Variants in FKBP6 observed in about 807,000 individuals in gnomAD.
The protein encoded by FKBP6 is FKBP prolyl isomerase family member 6 (inactive), also known as inactive peptidyl-prolyl cis-trans isomerase FKBP6.
In FKBP6, 29 loss-of-function variants were observed where a neutral mutation model predicts 41.7. That is an observed-to-expected ratio of 0.70 (90% CI 0.52 to 0.95). The LOEUF is 0.95. Among genes scored for constraint, FKBP6 ranks in the 40% least tolerant of loss-of-function variants. The pLI, the probability that FKBP6 is intolerant of heterozygous loss-of-function variation, is 0.00. For synonymous variants in FKBP6, 130 were observed against 165.1 expected, an observed-to-expected ratio of 0.79 and a Z score of 1.63; for missense variants, 338 against 408.7, an observed-to-expected ratio of 0.83 and a Z score of 1.49.
rs781811698 is a variant in FKBP6 at position 73,340,671 on chromosome 7, C to T, written c.622C>T (p.Pro208Ser). Residue 208 changes from proline to serine, a missense_variant, in exon 6 of 9, where the codon CCT becomes TCT. Physicochemically the swap from Pro to Ser is moderately conservative, Grantham distance 74. Transcript: ENST00000252037. ...GCTTCTGCGCCGGCGATCAGCACCC[C>T]CTGAAGAGCAGCACCTGGTGGAGGC... ...LLLLRRRSAP[P>S]EEQHLVEAAK... 1.9e-5 allele frequency: 31 copies of T among 1,613,778 alleles called. No homozygotes were observed. The highest frequency in any genetic ancestry group is 2.4e-5 in the Non-Finnish European group (28 of 1,180,030).
At chr7:73,340,898 G>C in intron 6 of FKBP6, 66 bp downstream of exon 6, 2 of 867,780 alleles carry the variant, frequency 2.3e-6, no homozygotes, top group Non-Finnish European at 3.8e-6. Flanking sequence ...GCTCAACTCA[G>C]CTACTGCAAA....
At chr7:73,335,103 A>C (rs918171481) in intron 5 of FKBP6, among the ~76,000 whole-genome samples, 3 of 149,884 alleles carry the variant, frequency 2.0e-5, no homozygotes, top group African/African-American at 7.4e-5. Context: ...CCTAGCAAAT[A>C]TCTAAATTCT....
At chr7:73,339,476 G>A (rs1805107603) in intron 5 of FKBP6, among the ~76,000 whole-genome samples, 1 of 152,146 alleles carries the variant, frequency 6.6e-6, no homozygotes, top group African/African-American at 2.4e-5. Flanking sequence ...AATTACTGTA[G>A]CTTTAGGAAG....
At chr7:73,356,634 A>G (rs1471147410) in intron 8 of FKBP6, among the ~76,000 whole-genome samples, 1 of 152,178 alleles carries the variant, frequency 6.6e-6, no homozygotes, top group Non-Finnish European at 1.5e-5. Flanking sequence ...TTGTTTCTCT[A>G]TAACCAAACA....
Position 73,329,429 on chromosome 7 carries a change from G to T in FKBP6, c.245G>T (p.Arg82Leu), listed in dbSNP as rs201326980. ...TCTAATTACTTTAGGAAAACTCCTC[G>T]GCTAATGAAACTTGGAGAGGGTAGG... Reference protein sequence around the residue: ...FDSNYFRKTPRLMKLGEDITL... With the variant: ...FDSNYFRKTPLLMKLGEDITL... The change falls in exon 3 of 9, where the codon CGG (arginine) becomes CTG (leucine). Residue 82 changes from arginine to leucine, a missense_variant. By Grantham distance (102) the Arg-to-Leu change is moderately radical. Transcript: ENST00000252037. The T allele has an allele frequency of 3.7e-5, 60 of 1,603,250 alleles. No homozygotes were observed. The East Asian group carries it at 9.4e-4, about 25-fold the overall frequency.
At chr7:73,356,906 G>A (rs953088340) in intron 8 of FKBP6, among the ~76,000 whole-genome samples, 2 of 151,868 alleles carry the variant, frequency 1.3e-5, no homozygotes, top group African/African-American at 2.4e-5. Flanking sequence ...TCAGCCTCCC[G>A]AGTAGCTGGG....
chr7:73,349,320 A>C (rs1260988064), intron 8 of FKBP6, among the ~76,000 whole-genome samples: 1 of 151,430 alleles, frequency 6.6e-6, no homozygotes, highest in Non-Finnish European at 1.5e-5. Context: ...GAGGTAGGAG[A>C]ATCGCTTGAA....
At position 73,341,310 on chromosome 7, in the gene FKBP6, A is replaced by G. The variant is rs868916969; in HGVS notation, c.821A>G (p.Asp274Gly). 6 of 1,613,550 alleles carry G rather than the reference A, an allele frequency of 3.7e-6. No individual in the cohort carries two copies. Among genetic ancestry groups the G allele is most frequent in the Non-Finnish European group, 5.1e-6 (6 of 1,179,678 alleles). ...CTGACTGAGTATCAAAAGGCCCGGG[A>G]TTTTCTAGTTCGAGCCCAGAAGGAG... ...LLLTEYQKAR[D>G]FLVRAQKEQP... The change falls in exon 7 of 9, where the codon GAT becomes GGT. Residue 274 changes from aspartate to glycine, a missense_variant. Asp to Gly is a moderately conservative substitution (Grantham distance 94, BLOSUM62 -1). Coordinates refer to ENST00000252037, the MANE Select transcript of FKBP6 (RefSeq NM_003602.5).
chr7:73,332,000 ACTAC>A (rs1804860876), intron 5 of FKBP6, among the ~76,000 whole-genome samples: 2 of 151,734 alleles, frequency 1.3e-5, no homozygotes, highest in African/African-American at 2.4e-5. Context: ...AGTAGCTGGG[ACTAC>A]AGGCACCCGC....
At chr7:73,336,781 G>T (rs1347517319) in intron 5 of FKBP6, 1 of 456,556 alleles carries the variant, frequency 2.2e-6, no homozygotes, top group Non-Finnish European at 4.4e-6. Context: ...GTGTGCTGCG[G>T]CTGAACCTGT....
chr7:73,336,743 C>T (rs749835718), intron 5 of FKBP6: 60 of 456,316 alleles, frequency 1.3e-4, no homozygotes, highest in Non-Finnish European at 2.5e-4. Context: ...TTTAATGAGG[C>T]TCTGTTTCAT....
At chr7:73,347,811 AT>A (rs1182242653) in intron 8 of FKBP6, among the ~76,000 whole-genome samples, 1 of 152,010 alleles carries the variant, frequency 6.6e-6, no homozygotes, top group African/African-American at 2.4e-5. Flanking sequence ...CGTCCAGCTA[AT>A]TTTTTTATTT....
intron 8 of FKBP6, among the ~76,000 whole-genome samples, chr7:73,347,732 C>A (rs1282487955): frequency 6.6e-6 from 1 of 152,206 alleles, no homozygotes; most frequent in African/African-American, 2.4e-5. Context: ...GCAGCCTCAA[C>A]TTCCCAGGCT....
intron 8 of FKBP6, among the ~76,000 whole-genome samples, chr7:73,357,476 T>G (rs1805666179): frequency 6.6e-6 from 1 of 151,664 alleles, no homozygotes; most frequent in Non-Finnish European, 1.5e-5. Context: ...GCTAGGCTGG[T>G]CTCGAACTAC....
chr7:73,342,792 T>C lies in FKBP6; in HGVS notation c.894-15T>C, dbSNP rs782697880. 31 of 1,580,258 alleles carry C rather than the reference T, an allele frequency of 2.0e-5. No homozygotes were observed. Among genetic ancestry groups the C allele is most frequent in the Non-Finnish European group, 2.6e-5 (30 of 1,149,164 alleles). ...ACACAGACCTCCTCTAACAAGTGTG[T>C]ATTTCCCTCTCCAGCTGTTACAGGG... On this transcript the variant is annotated splice_polypyrimidine_tract_variant and intron_variant, in intron 7 of 8. Coordinates refer to ENST00000252037, the MANE Select transcript of FKBP6 (RefSeq NM_003602.5).
At chr7:73,335,779 C>T (rs1447407434) in intron 5 of FKBP6, among the ~76,000 whole-genome samples, 2 of 152,176 alleles carry the variant, frequency 1.3e-5, no homozygotes, top group Non-Finnish European at 2.9e-5. Context: ...CACTGCCACC[C>T]ACCCTGAACC....
intron 5 of FKBP6, among the ~76,000 whole-genome samples, chr7:73,337,346 C>T: frequency 7.1e-6 from 1 of 140,934 alleles, no homozygotes. Flanking sequence ...CAGAGTCTCA[C>T]TCTATCACCC....
chr7:73,353,457 C>G (rs1364054847), intron 8 of FKBP6, among the ~76,000 whole-genome samples: 2 of 152,168 alleles, frequency 1.3e-5, no homozygotes. Context: ...TAATCCTTTC[C>G]GTCCCAGATG....
chr7:73,330,894 A>G (rs1554547574), intron 4 of FKBP6, among the ~76,000 whole-genome samples: 1 of 152,148 alleles, frequency 6.6e-6, no homozygotes, highest in Non-Finnish European at 1.5e-5. Context: ...CCGTAGATGC[A>G]GGGCTTCTGA....
Sources: allele counts gnomAD v4.1 joint callset (sites outside exome capture counted in the v4.1 genomes callset), GRCh38; gene constraint gnomAD v4.1.1; transcripts MANE v1.5; gene names NCBI Gene and HGNC (gene_info 2026-07-23, HGNC 2026-07-21).